Variants in RBM25 observed in about 807,000 individuals in gnomAD.
The protein encoded by RBM25 is RNA binding motif protein 25.
RBM25 carries 19 observed loss-of-function variants against 120.7 expected under a neutral mutation model. That is an observed-to-expected ratio of 0.16 (90% CI 0.11 to 0.23). The LOEUF (loss-of-function observed/expected upper bound fraction) is 0.23. Among genes scored for constraint, RBM25 ranks in the 10% least tolerant of loss-of-function variants. The pLI, the probability that RBM25 is intolerant of heterozygous loss-of-function variation, is 1.00. For synonymous variants in RBM25, 390 were observed against 326.7 expected (o/e 1.19, Z -2.09); for missense variants, 605 against 1,041.5 (o/e 0.58, Z 5.77).
At chr14:73,068,692 A>G (rs114032079) in intron 1 of RBM25, 3,989 of 322,920 alleles carry the variant, frequency 0.012, 149 homozygotes, top group African/African-American at 0.075. Flanking sequence ...GGACTGCAGG[A>G]AAAGAGCTGC....
intron 13 of RBM25, among the ~76,000 whole-genome samples, chr14:73,108,441 C>A (rs1452101523): frequency 1.3e-5 from 2 of 152,184 alleles, no homozygotes; most frequent in African/African-American, 4.8e-5. Flanking sequence ...TTTGACCTCC[C>A]GTCTCTCACC....
intron 5 of RBM25, among the ~76,000 whole-genome samples, chr14:73,085,128 C>T (rs1212310451): frequency 6.6e-6 from 1 of 152,036 alleles, no homozygotes; most frequent in Non-Finnish European, 1.5e-5. Context: ...AAACGATTCT[C>T]CAGCCTCAGC....
At position 73,097,055 on chromosome 14, in the gene RBM25, A is replaced by T; in HGVS notation, c.684A>T (p.Glu228Asp). The T allele has an allele frequency of 6.2e-7, 1 of 1,613,380 alleles. No individual in the cohort carries two copies. The highest frequency in any genetic ancestry group is 8.5e-7 in the Non-Finnish European group (1 of 1,179,820). The change falls in exon 7 of 19, where the codon GAA becomes GAT. Residue 228 changes from glutamate to aspartate, a missense_variant. Around this residue, in one of 4 missense-constraint regions of RBM25, gnomAD observed 465 missense variants for 741.6 expected, o/e 0.63. Coordinates refer to ENST00000261973, the MANE Select transcript of RBM25 (RefSeq NM_021239.3). ...YSSELNAPSQESDSHPRKKKK... is the reference protein window; with the variant it reads ...YSSELNAPSQDSDSHPRKKKK... ...GTGAGCTAAATGCCCCCTCACAGGA[A>T]TCTGATTCTCACCCCAGGAAGAAGA... is the stretch of plus-strand genomic sequence containing the variant.
chr14:73,104,514 C>T (rs558758114), intron 10 of RBM25, among the ~76,000 whole-genome samples: 3 of 152,042 alleles, frequency 2.0e-5, no homozygotes, highest in Admixed American at 2.0e-4. Flanking sequence ...TACAGGCACA[C>T]ACCACTGTCC....
intron 10 of RBM25, among the ~76,000 whole-genome samples, chr14:73,105,126 CTT>C (rs34862161): frequency 0.18 from 20,116 of 109,372 alleles, 1,825 homozygotes; most frequent in Admixed American, 0.26. Context: ...GGTTTTATTA[CTT>C]TTTTTTTTTT....
Position 73,111,114 on chromosome 14 carries a change from C to A in RBM25, c.1976C>A (p.Pro659His). 6.2e-7 allele frequency: 1 copy of A among 1,614,140 alleles called. No individual in the cohort carries two copies. The highest frequency in any genetic ancestry group is 8.5e-7 in the Non-Finnish European group (1 of 1,179,998). Residue 659 changes from proline to histidine, a missense_variant, in exon 15 of 19, where the codon CCT (proline) becomes CAT (histidine). Around this residue, in one of 4 missense-constraint regions of RBM25, gnomAD observed 465 missense variants for 741.6 expected, o/e 0.63. Transcript: ENST00000261973. ...PHENSPDQQQ[P>H]EEHRPKIGLS... Reference sequence around the variant, plus strand: ...GAAAACTCACCAGATCAACAGCAACCTGAGGAGCATAGGCCAAAAATAGGA... The same window carrying A: ...GAAAACTCACCAGATCAACAGCAACATGAGGAGCATAGGCCAAAAATAGGA...
In RBM25 at chr14:73,064,741, G is replaced by A. The variant is rs1490280180; in HGVS notation, c.-16+6036G>A. On this transcript the variant is annotated intron_variant, in intron 1 of 18. Coordinates refer to ENST00000261973, the MANE Select transcript of RBM25 (RefSeq NM_021239.3). ...ATCCATAAAAATTAGCTGTTAACTG[G>A]TATTTTTGCCTTCACCTTTGAAGTC... Among the ~76,000 whole-genome samples, 4 of 151,112 alleles carry A rather than the reference G, an allele frequency of 2.6e-5. No homozygotes were observed. In the Admixed American group the frequency reaches 2.7e-4, roughly 10 times the overall value.
chr14:73,107,961 G>A (rs1319882124), intron 13 of RBM25, 62 bp downstream of exon 13: 2 of 1,150,396 alleles, frequency 1.7e-6, no homozygotes, highest in East Asian at 2.4e-5. Flanking sequence ...TTTTCCATCT[G>A]CACAGTTGAT....
At chr14:73,065,570 G>T (rs951267512) in intron 1 of RBM25, among the ~76,000 whole-genome samples, 1 of 152,016 alleles carries the variant, frequency 6.6e-6, no homozygotes, top group African/African-American at 2.4e-5. Context: ...GACTACAGGC[G>T]CACACTACCA....
chr14:73,070,818 G>T (rs1035267917), intron 1 of RBM25, among the ~76,000 whole-genome samples: 1 of 151,272 alleles, frequency 6.6e-6, no homozygotes, highest in Non-Finnish European at 1.5e-5. Context: ...GTGGTGGCGC[G>T]CACATGTAAT....
Position 73,103,473 on chromosome 14 carries a change from A to T in RBM25, c.1149A>T (p.Arg383=). The change falls in exon 10 of 19, where the codon CGA becomes CGT. Residue 383 remains arginine, a synonymous_variant. Coordinates refer to ENST00000261973, the MANE Select transcript of RBM25 (RefSeq NM_021239.3). ...CAGATCGTAATAAGGATCGCAGTCGATCAAGGTAAGGCTTTACAGAAGTTA... is the reference window on the plus strand; with the variant it reads ...CAGATCGTAATAAGGATCGCAGTCGTTCAAGGTAAGGCTTTACAGAAGTTA... The part of the protein sequence containing the change: ...RSSDRNKDRS[R]SREKSRDRER... The T allele has an allele frequency of 6.3e-7, 1 of 1,592,952 alleles. No individual in the cohort carries two copies. The highest frequency in any genetic ancestry group is 8.5e-7 in the Non-Finnish European group (1 of 1,170,864).
chr14:73,082,144 G>A (rs1895577722), intron 4 of RBM25, among the ~76,000 whole-genome samples: 1 of 151,946 alleles, frequency 6.6e-6, no homozygotes. Context: ...GGGTTCTTGG[G>A]ATTTGTCCTT....
intron 1 of RBM25, among the ~76,000 whole-genome samples, chr14:73,064,367 GT>G (rs1895076107): frequency 6.6e-6 from 1 of 151,278 alleles, no homozygotes; most frequent in Non-Finnish European, 1.5e-5. Context: ...GATGAGAAAT[GT>G]TTTCTGATTT....
Position 73,111,168 on chromosome 14 carries a change from T to G in RBM25, c.2017+13T>G. 6.4e-7 allele frequency: 1 copy of G among 1,572,472 alleles called. No individual in the cohort carries two copies. Among genetic ancestry groups the G allele is most frequent in the Non-Finnish European group, 8.7e-7 (1 of 1,145,438 alleles). ...AGTCTTAAACTGGGTACGTTAGCAT[T>G]TCCTTCCTTCTTTATTTTCTTCCCT... On this transcript the variant is annotated intron_variant, in intron 15 of 18. Coordinates refer to ENST00000261973, the MANE Select transcript of RBM25 (RefSeq NM_021239.3).
chr14:73,076,120 A>G (rs922089628), intron 2 of RBM25, among the ~76,000 whole-genome samples, 199 bp from the exon 3 acceptor site: 5 of 152,122 alleles, frequency 3.3e-5, no homozygotes, highest in Admixed American at 3.3e-4. Flanking sequence ...TGTTTTCAGG[A>G]TAGTCTTTTT....
At chr14:73,106,172 G>T (rs1288552740) in intron 11 of RBM25, 24 bp from the exon 12 acceptor site, 1 of 1,576,252 alleles carries the variant, frequency 6.3e-7, no homozygotes, top group Non-Finnish European at 8.6e-7. Flanking sequence ...AATTTTTAAA[G>T]CTTTGAAAAT....
intron 6 of RBM25, among the ~76,000 whole-genome samples, chr14:73,090,210 C>T (rs1049693466): frequency 1.3e-5 from 2 of 152,046 alleles, no homozygotes; most frequent in Admixed American, 1.3e-4. Context: ...GCCACCACCC[C>T]CAGCTAATTT....
At chr14:73,095,100 C>T (rs1294458569) in intron 6 of RBM25, among the ~76,000 whole-genome samples, 1 of 151,932 alleles carries the variant, frequency 6.6e-6, no homozygotes, top group Non-Finnish European at 1.5e-5. Flanking sequence ...GTCATCTGCC[C>T]ACCTTGGCCT....
intron 2 of RBM25, among the ~76,000 whole-genome samples, chr14:73,075,522 A>G (rs1325218552): frequency 6.6e-6 from 1 of 152,146 alleles, no homozygotes; most frequent in Non-Finnish European, 1.5e-5. Flanking sequence ...TTACACATAA[A>G]TTTCTCATCT....
Sources: gnomAD v4.1 joint callset for allele counts (sites outside exome capture counted in the v4.1 genomes callset) on GRCh38, gnomAD v4.1.1 for gene constraint, gnomAD v4.1.1 regional missense constraint, MANE v1.5 for transcripts, NCBI Gene and HGNC (gene_info 2026-07-23, HGNC 2026-07-21) for gene names.